SLC9A9: variants seen among roughly 807,000 people sequenced by gnomAD.
SLC9A9 encodes the protein solute carrier family 9 member A9.
Under a neutral mutation model 77.8 loss-of-function variants are expected in SLC9A9, and 62 were observed. The observed-to-expected ratio is 0.80, with a 90% CI of 0.65 to 0.98. The LOEUF (loss-of-function observed/expected upper bound fraction) is 0.98, where lower values mean the gene tolerates loss of function less well. Ranked by LOEUF, SLC9A9 falls within the 50% of genes least tolerant of loss-of-function variation. SLC9A9 has a pLI of 0.00. For missense variants in SLC9A9, 775 were observed against 774.9 expected (o/e 1.00, Z 0.00); for synonymous variants, 320 against 283.5 (o/e 1.13, Z -1.29).
In SLC9A9 at chr3:143,579,444, T is replaced by A. The variant is rs191802479; in HGVS notation, c.756-721A>T. 1.2e-4 allele frequency among the ~76,000 whole-genome samples: 18 copies of A among 152,304 alleles called. No homozygotes were observed. The East Asian group carries it at 3.3e-3, about 28-fold the overall frequency. On this transcript the variant is annotated intron_variant, in intron 6 of 15. Transcript: ENST00000316549. ...CACTTAAATATTATTGAGGATGTCATATAAGCTATTTTTTTTAAAACCAGG... is the reference window on the plus strand; with the variant it reads ...CACTTAAATATTATTGAGGATGTCAAATAAGCTATTTTTTTTAAAACCAGG...
intron 9 of SLC9A9, among the ~76,000 whole-genome samples, chr3:143,531,791 C>T (rs919161884): frequency 5.3e-5 from 8 of 152,272 alleles, no homozygotes; most frequent in Admixed American, 2.6e-4. Context: ...AATAAACTTA[C>T]GTGTAGGGAC....
At chr3:143,590,795 A>G (rs1468996334) in intron 6 of SLC9A9, among the ~76,000 whole-genome samples, 1 of 152,228 alleles carries the variant, frequency 6.6e-6, no homozygotes, top group African/African-American at 2.4e-5. Context: ...AGTCAAGGAA[A>G]AAAAACCATG....
At chr3:143,762,142 G>A (rs2007148604) in intron 4 of SLC9A9, among the ~76,000 whole-genome samples, 1 of 152,106 alleles carries the variant, frequency 6.6e-6, no homozygotes, top group African/African-American at 2.4e-5. Flanking sequence ...ATTGAACAAT[G>A]AGAACACTTG....
In SLC9A9 at chr3:143,382,078, G is replaced by T. The variant is rs758542284; in HGVS notation, c.1506C>A (p.Asp502Glu). Residue 502 changes from aspartate (D) to glutamate (E), a missense_variant, in exon 13 of 16, where the codon GAC becomes GAA. Physicochemically the swap from Asp to Glu is conservative, Grantham distance 45. Coordinates refer to ENST00000316549, the MANE Select transcript of SLC9A9 (RefSeq NM_173653.4). ...GVDLDENLKE[D>E]PSSQHQEANN... ...GACTTGCCTGGTGTTGTGAGGAGGG[G>T]TCCTCCTTCAGATTTTCATCCAGGT... 6.2e-7 allele frequency: 1 copy of T among 1,614,064 alleles called. No individual in the cohort carries two copies. Among genetic ancestry groups the T allele is most frequent in the East Asian group, 2.2e-5 (1 of 44,876 alleles).
At chr3:143,828,965 A>G (rs942706719) in intron 2 of SLC9A9, among the ~76,000 whole-genome samples, 2 of 152,168 alleles carry the variant, frequency 1.3e-5, no homozygotes, top group African/African-American at 4.8e-5. Flanking sequence ...GATACTCCCT[A>G]AATCAGTCAA....
chr3:143,827,715 C>T (rs1297836692), intron 2 of SLC9A9, among the ~76,000 whole-genome samples: 1 of 152,204 alleles, frequency 6.6e-6, no homozygotes. Flanking sequence ...ATTCCAGCCT[C>T]TCCAAATCCT....
At chr3:143,638,947 C>A (rs931703980) in intron 6 of SLC9A9, among the ~76,000 whole-genome samples, 1 of 152,128 alleles carries the variant, frequency 6.6e-6, no homozygotes, top group Admixed American at 6.5e-5. Flanking sequence ...TAATTTAGAC[C>A]AAAATTATTA....
intron 4 of SLC9A9, among the ~76,000 whole-genome samples, chr3:143,778,125 C>T (rs2007758237): frequency 6.9e-6 from 1 of 144,006 alleles, no homozygotes; most frequent in South Asian, 2.3e-4. Flanking sequence ...TTAACAGACA[C>T]TGAATGATTT....
chr3:143,419,343 G>C (rs1023324885), intron 12 of SLC9A9, among the ~76,000 whole-genome samples: 4 of 152,172 alleles, frequency 2.6e-5, no homozygotes, highest in African/African-American at 9.7e-5. Context: ...AGGTCACACA[G>C]AGAGTATCAG....
At chr3:143,477,378 C>T (rs1559932917) in intron 11 of SLC9A9, among the ~76,000 whole-genome samples, 2 of 146,112 alleles carry the variant, frequency 1.4e-5, no homozygotes, top group African/African-American at 2.6e-5. Flanking sequence ...CTCCCGCCAC[C>T]CAGATTTCAG....
At chr3:143,293,076 GTGTT>G (rs2030085834) in intron 14 of SLC9A9, among the ~76,000 whole-genome samples, 1 of 152,186 alleles carries the variant, frequency 6.6e-6, no homozygotes, top group Non-Finnish European at 1.5e-5. Flanking sequence ...ATTTTGGAGT[GTGTT>G]TAAGGTTACG....
Position 143,448,999 on chromosome 3 carries a change from TA to T in SLC9A9, c.1469+18037del, listed in dbSNP as rs1357093712. 4.7e-4 allele frequency among the ~76,000 whole-genome samples: 9 copies of T among 19,328 alleles called. 4 individuals are homozygous for T. Among genetic ancestry groups the T allele is most frequent in the Non-Finnish European group, 5.9e-4 (9 of 15,354 alleles). The allele number at this position is 19,328 out of a possible 152,430, so 12.7% of individuals were successfully genotyped here. A position where few individuals can be genotyped will look rare whatever the true frequency, so the allele number is the denominator to read the frequency against. ...TTATATAAAAATAATTATAATTATA[TA>T]ATTATATAAAATATAATTATAATTA... On this transcript the variant is annotated intron_variant, in intron 12 of 15. Transcript: ENST00000316549.
intron 14 of SLC9A9, among the ~76,000 whole-genome samples, chr3:143,324,936 C>T (rs538001609): frequency 6.6e-6 from 1 of 152,174 alleles, no homozygotes; most frequent in Middle Eastern, 3.2e-3. Flanking sequence ...TCAGCTTAAT[C>T]TTTTAAAAAT....
chr3:143,710,583 G>A (rs80258498), intron 4 of SLC9A9, among the ~76,000 whole-genome samples: 4,230 of 152,216 alleles, frequency 0.028, 221 homozygotes, highest in African/African-American at 0.097. Context: ...AGAATCACTT[G>A]TTTTAAAACT....
At chr3:143,665,201 A>G (rs956711476) in intron 5 of SLC9A9, among the ~76,000 whole-genome samples, 2 of 152,238 alleles carry the variant, frequency 1.3e-5, no homozygotes, top group African/African-American at 2.4e-5. Context: ...CCGCTCAACT[A>G]CATGGAAACT....
chr3:143,440,070 A>G (rs973851291), intron 12 of SLC9A9, among the ~76,000 whole-genome samples: 4 of 152,238 alleles, frequency 2.6e-5, no homozygotes, highest in Admixed American at 6.5e-5. Context: ...ACCACATTCA[A>G]ACTGTGCTTA....
intron 6 of SLC9A9, among the ~76,000 whole-genome samples, chr3:143,631,397 T>C (rs1375580342): frequency 1.3e-5 from 2 of 152,190 alleles, no homozygotes; most frequent in East Asian, 3.8e-4. Context: ...CATTTAATTC[T>C]TTTTGATAGT....
At chr3:143,833,669 T>C (rs2009496209) in intron 1 of SLC9A9, among the ~76,000 whole-genome samples, 1 of 152,094 alleles carries the variant, frequency 6.6e-6, no homozygotes, top group Admixed American at 6.5e-5. Context: ...GCTCTCCCTG[T>C]GTGTAGAGTT....
chr3:143,570,718 GTTAC>G (rs2037242878), intron 8 of SLC9A9, among the ~76,000 whole-genome samples: 1 of 151,898 alleles, frequency 6.6e-6, no homozygotes. Context: ...AAAAAAGCAA[GTTAC>G]TTAAGAAATA....
Sources: allele counts gnomAD v4.1 joint callset (sites outside exome capture counted in the v4.1 genomes callset), GRCh38; gene constraint gnomAD v4.1.1; transcripts MANE v1.5; gene names NCBI Gene and HGNC (gene_info 2026-07-23, HGNC 2026-07-21).